The following ESR1 variants were observed in gnomAD, a reference collection of about 807,000 sequenced individuals.
ESR1 encodes the protein estrogen receptor 1, also known as estrogen receptor.
Under a neutral mutation model 52.7 loss-of-function variants are expected in ESR1, and 12 were observed. The ratio of observed to expected loss-of-function variants is 0.23; its 90% CI spans 0.15 to 0.37. The LOEUF is 0.37. ESR1 is among the 10% of genes least tolerant of loss of function. ESR1 has a pLI of 1.00. For missense variants in ESR1, 584 were observed against 779.7 expected (o/e 0.75, Z 2.99); for synonymous variants, 305 against 316.8 (o/e 0.96, Z 0.39).
intron 1 of ESR1, among the ~76,000 whole-genome samples, chr6:151,695,054 G>A (rs1017813079): frequency 6.6e-6 from 1 of 152,166 alleles, no homozygotes; most frequent in African/African-American, 2.4e-5. Flanking sequence ...TGAGGGGATG[G>A]TGGTAATCCT....
At chr6:152,023,598 C>T (rs1299552730) in intron 5 of ESR1, among the ~76,000 whole-genome samples, 2 of 152,180 alleles carry the variant, frequency 1.3e-5, no homozygotes, top group African/African-American at 2.4e-5. Flanking sequence ...CAGTTCTTTT[C>T]TACATCAAAA....
intron 1 of ESR1, among the ~76,000 whole-genome samples, chr6:151,694,284 A>G (rs1326260557): frequency 6.6e-6 from 1 of 152,186 alleles, no homozygotes; most frequent in African/African-American, 2.4e-5. Flanking sequence ...TAACTTTTAA[A>G]GTTTGTAATC....
chr6:151,845,107 A>T (rs1387936625), intron 2 of ESR1, among the ~76,000 whole-genome samples: 1 of 152,196 alleles, frequency 6.6e-6, no homozygotes, highest in Non-Finnish European at 1.5e-5. Flanking sequence ...AGATAAAATT[A>T]TATAAATTCC....
At chr6:151,967,817 C>T (rs1430039098) in intron 4 of ESR1, among the ~76,000 whole-genome samples, 1 of 152,200 alleles carries the variant, frequency 6.6e-6, no homozygotes, top group Non-Finnish European at 1.5e-5. Flanking sequence ...AAAGGCATTC[C>T]TATTTCTCCA....
At chr6:152,000,307 C>T (rs1584743392) in intron 4 of ESR1, among the ~76,000 whole-genome samples, 1 of 152,022 alleles carries the variant, frequency 6.6e-6, no homozygotes, top group East Asian at 1.9e-4. Flanking sequence ...GACCCCAAAT[C>T]ACCTAACTCA....
chr6:151,777,220 C>T (rs189095565), intron 2 of ESR1, among the ~76,000 whole-genome samples: 15 of 150,660 alleles, frequency 1.0e-4, no homozygotes, highest in South Asian at 6.3e-4. Context: ...CTGGTTCAAG[C>T]GATTCTCCTG....
chr6:151,757,564 T>C (rs1487934676), intron 2 of ESR1, among the ~76,000 whole-genome samples: 1 of 152,234 alleles, frequency 6.6e-6, no homozygotes, highest in African/African-American at 2.4e-5. Context: ...GACCTCAGAA[T>C]TGCTGCTCAA....
chr6:151,954,463 G>C (rs2036677954), intron 4 of ESR1, among the ~76,000 whole-genome samples: 2 of 152,178 alleles, frequency 1.3e-5, no homozygotes, highest in South Asian at 4.1e-4. Context: ...TAAAATGATG[G>C]AAGTGCCCTT....
At position 152,036,814 on chromosome 6, in the gene ESR1, A is replaced by G. The variant is rs1359301560; in HGVS notation, c.1236-24177A>G. ...TGGATGGAAGACAAGATACTGCTTC[A>G]AGGGCTTCATTAGCTTTCTGCAGAC... is the stretch of plus-strand genomic sequence containing the variant. On this transcript the variant is annotated intron_variant, in intron 5 of 7. Coordinates refer to ENST00000206249, the MANE Select transcript of ESR1 (RefSeq NM_000125.4). Among the ~76,000 whole-genome samples, 3 of 152,222 alleles carry G rather than the reference A, an allele frequency of 2.0e-5. No homozygotes were observed. In the East Asian group the frequency reaches 5.8e-4, roughly 29 times the overall value.
chr6:152,107,935 A>G (rs549239899), downstream of ESR1, among the ~76,000 whole-genome samples: 2 of 152,216 alleles, frequency 1.3e-5, no homozygotes, highest in East Asian at 3.9e-4. Flanking sequence ...CGTGTATCCA[A>G]TGACTAGGCT....
At chr6:151,816,917 TA>T (rs1173181773) in intron 1 of ESR1, among the ~76,000 whole-genome samples, 3 of 152,030 alleles carry the variant, frequency 2.0e-5, no homozygotes, top group Non-Finnish European at 4.4e-5. Flanking sequence ...TCCAAATCAG[TA>T]AAAATTAATC....
intron 3 of ESR1, among the ~76,000 whole-genome samples, chr6:151,910,890 A>G (rs1284403125): frequency 1.3e-5 from 2 of 152,196 alleles, no homozygotes; most frequent in Admixed American, 6.5e-5. Context: ...GGACGACAGT[A>G]TTTCCATGGA....
rs917973640 is a variant in ESR1 at position 152,118,996 on chromosome 6, G to A, written c.851-6270G>A. On this transcript the variant is annotated intron_variant, in intron 6 of 6. Transcript: ENST00000427531. Reference sequence around the variant, plus strand: ...CCACAATCCCCTGTGAAGGTTTGGCGATGGTGCTGGTGAATTGGTTGCACC... The same window carrying A: ...CCACAATCCCCTGTGAAGGTTTGGCAATGGTGCTGGTGAATTGGTTGCACC... Among the ~76,000 whole-genome samples the A allele has an allele frequency of 2.6e-5, 4 of 152,130 alleles. 1 individual carries two copies. The highest frequency in any genetic ancestry group is 4.2e-4 in the South Asian group (2 of 4,818).
chr6:152,079,902 A>G (rs1300677250), intron 6 of ESR1, among the ~76,000 whole-genome samples: 1 of 152,208 alleles, frequency 6.6e-6, no homozygotes, highest in African/African-American at 2.4e-5. Context: ...GTGATTGAAG[A>G]TCAAATTAAT....
intron 3 of ESR1, among the ~76,000 whole-genome samples, chr6:151,905,793 C>G (rs1797346673): frequency 6.6e-6 from 1 of 152,186 alleles, no homozygotes; most frequent in South Asian, 2.1e-4. Flanking sequence ...ATAGCCTTTT[C>G]TGTTTGAAAG....
chr6:151,919,754 T>C (rs2031202402), intron 3 of ESR1, among the ~76,000 whole-genome samples: 1 of 152,148 alleles, frequency 6.6e-6, no homozygotes. Flanking sequence ...GATTGATTAT[T>C]ATAGAGGATC....
chr6:151,861,991 G>A (rs943244852), intron 2 of ESR1, among the ~76,000 whole-genome samples: 2 of 152,034 alleles, frequency 1.3e-5, no homozygotes, highest in African/African-American at 2.4e-5. Context: ...CTGGTTTGAG[G>A]GTATTGTGGT....
chr6:152,121,751 T>C (rs1157350220), intron 6 of ESR1: 2 of 143,986 alleles, frequency 1.4e-5, no homozygotes, highest in Non-Finnish European at 3.0e-5. Flanking sequence ...TTTAGCAAAC[T>C]GTACATACAT....
intron 2 of ESR1, among the ~76,000 whole-genome samples, chr6:151,772,343 C>G (rs1785592229): frequency 6.6e-6 from 1 of 152,074 alleles, no homozygotes; most frequent in Non-Finnish European, 1.5e-5. Flanking sequence ...CTTGATTACA[C>G]CATAAAACAA....
Sources: allele counts gnomAD v4.1 joint callset (sites outside exome capture counted in the v4.1 genomes callset), GRCh38; gene constraint gnomAD v4.1.1; transcripts MANE v1.5; gene names NCBI Gene and HGNC (gene_info 2026-07-23, HGNC 2026-07-21).